Variants in PLCG2 observed in about 807,000 individuals in gnomAD.
PLCG2 encodes 1-phosphatidylinositol 4,5-bisphosphate phosphodiesterase gamma-2.
PLCG2 carries 69 observed loss-of-function variants against 175.6 expected under a neutral mutation model. The ratio of observed to expected loss-of-function variants is 0.39; its 90% CI spans 0.32 to 0.48. PLCG2 has a LOEUF of 0.48. PLCG2 is among the 20% of genes least tolerant of loss of function. The probability of loss-of-function intolerance (pLI) is 0.91; values close to 1 mark genes in which losing one functional copy is unlikely to be tolerated. For synonymous variants in PLCG2, 827 were observed against 624.0 expected (o/e 1.33, Z -4.85); for missense variants, 1,798 against 1,650.9 (o/e 1.09, Z -1.54).
intron 22 of PLCG2, among the ~76,000 whole-genome samples, chr16:81,924,577 G>A (rs1355117136): frequency 6.6e-6 from 1 of 152,198 alleles, no homozygotes; most frequent in Non-Finnish European, 1.5e-5. Context: ...TTTGACTCCA[G>A]AGCTTACACT....
intron 22 of PLCG2, among the ~76,000 whole-genome samples, chr16:81,926,313 G>T (rs375949030): frequency 9.8e-5 from 15 of 152,330 alleles, no homozygotes; most frequent in African/African-American, 3.6e-4. Flanking sequence ...TGTGGTCAGA[G>T]GTGCATTTTG....
chr16:81,791,815 C>G (rs149484437), intron 2 of PLCG2, among the ~76,000 whole-genome samples: 1,721 of 152,238 alleles, frequency 0.011, 27 homozygotes, highest in African/African-American at 0.04. Flanking sequence ...TCTGCCCACC[C>G]TGGCCTCCCA....
At chr16:81,838,805 A>G (rs1317352662) in intron 2 of PLCG2, among the ~76,000 whole-genome samples, 1 of 137,258 alleles carries the variant, frequency 7.3e-6, no homozygotes, top group African/African-American at 2.6e-5. Context: ...ATATATATAT[A>G]TATGTAAATA....
At chr16:81,778,066 A>AAATAC (rs1910523604), upstream of PLCG2, among the ~76,000 whole-genome samples, 4 of 84,912 alleles carry the variant, frequency 4.7e-5, no homozygotes, top group African/African-American at 8.8e-5. Flanking sequence ...AAAAAAAACC[A>AAATAC]AAAACACACA....
At chr16:81,819,596 AT>A in intron 2 of PLCG2, among the ~76,000 whole-genome samples, 1 of 152,148 alleles carries the variant, frequency 6.6e-6, no homozygotes, top group Middle Eastern at 3.4e-3. Context: ...TATTATTATT[AT>A]TTTTTGAGAC....
chr16:81,844,835 G>A (rs1221802910), intron 2 of PLCG2, among the ~76,000 whole-genome samples: 1 of 152,262 alleles, frequency 6.6e-6, no homozygotes, highest in Non-Finnish European at 1.5e-5. Flanking sequence ...CATACATCTA[G>A]TCTCCTATTT....
At chr16:81,837,841 C>A (rs55997054) in intron 2 of PLCG2, among the ~76,000 whole-genome samples, 13,011 of 152,096 alleles carry the variant, frequency 0.086, 634 homozygotes, top group Middle Eastern at 0.15. Flanking sequence ...TCTTGCAAAC[C>A]TGTAGTGCAG....
intron 5 of PLCG2, among the ~76,000 whole-genome samples, chr16:81,865,870 G>A (rs1317842423): frequency 7.4e-6 from 1 of 135,090 alleles, no homozygotes; most frequent in Non-Finnish European, 1.6e-5. Flanking sequence ...TGGGGCACCA[G>A]CATGAGAGGA....
chr16:81,770,566 C>T, intron 2 of PLCG2, among the ~76,000 whole-genome samples: 1 of 151,470 alleles, frequency 6.6e-6, no homozygotes, highest in East Asian at 2.0e-4. Flanking sequence ...ATACAAACAT[C>T]TAGCCAGGCT....
At chr16:81,828,496 C>T (rs140681224) in intron 2 of PLCG2, among the ~76,000 whole-genome samples, 5,274 of 152,146 alleles carry the variant, frequency 0.035, 130 homozygotes, top group Non-Finnish European at 0.049. Context: ...TCTCGGCCTC[C>T]CAAAGTGGTG....
In PLCG2 at chr16:81,840,256, C is replaced by T. The variant is rs137977069; in HGVS notation, c.194-14188C>T. On this transcript the variant is annotated intron_variant, in intron 2 of 32. Coordinates refer to ENST00000564138, the MANE Select transcript of PLCG2 (RefSeq NM_002661.5). Reference sequence around the variant, plus strand: ...CCTGACAGCTGGCCCCTGAGCTGCCCACCCTGTCATGGCCTGGGTGGATGC... The same window carrying T: ...CCTGACAGCTGGCCCCTGAGCTGCCTACCCTGTCATGGCCTGGGTGGATGC... Among the ~76,000 whole-genome samples the T allele has an allele frequency of 2.7e-3, 413 of 152,284 alleles. 3 individuals are homozygous for T. The highest frequency in any genetic ancestry group is 9.5e-3 in the African/African-American group (396 of 41,572).
intron 5 of PLCG2, among the ~76,000 whole-genome samples, chr16:81,859,617 C>T (rs1385193578): frequency 6.6e-6 from 1 of 151,982 alleles, no homozygotes; most frequent in African/African-American, 2.4e-5. Context: ...TCACTGCGAG[C>T]TCCGCCTCCT....
At chr16:81,876,697 A>G (rs1316649196) in intron 7 of PLCG2, among the ~76,000 whole-genome samples, 1 of 152,118 alleles carries the variant, frequency 6.6e-6, no homozygotes, top group African/African-American at 2.4e-5. Context: ...GTTTCTCCTG[A>G]CCTCACTGGC....
At chr16:81,837,390 C>T (rs1285027788) in intron 2 of PLCG2, among the ~76,000 whole-genome samples, 3 of 152,246 alleles carry the variant, frequency 2.0e-5, no homozygotes, top group Non-Finnish European at 4.4e-5. Context: ...AGGCCACTTC[C>T]TCTGGGTTTC....
intron 2 of PLCG2, among the ~76,000 whole-genome samples, chr16:81,790,090 G>A (rs528207824): frequency 6.6e-6 from 1 of 152,150 alleles, no homozygotes; most frequent in Non-Finnish European, 1.5e-5. Flanking sequence ...AAATAACATT[G>A]GTGTCTACCC....
At chr16:81,747,305 C>G (rs765379336) in intron 1 of PLCG2, among the ~76,000 whole-genome samples, 1 of 152,092 alleles carries the variant, frequency 6.6e-6, no homozygotes, top group African/African-American at 2.4e-5. Flanking sequence ...GAGGCTGAGG[C>G]GGGCAGATCA....
intron 2 of PLCG2, among the ~76,000 whole-genome samples, chr16:81,805,227 C>A (rs185752566): frequency 1.3e-5 from 2 of 152,226 alleles, no homozygotes; most frequent in South Asian, 2.1e-4. Flanking sequence ...AGGCCAGGCT[C>A]GGTAGCTCAT....
chr16:81,842,083 C>T (rs769915690), intron 2 of PLCG2, among the ~76,000 whole-genome samples: 28 of 152,184 alleles, frequency 1.8e-4, no homozygotes, highest in Admixed American at 3.3e-4. Context: ...GCTTGTACAG[C>T]GGAGGAAACA....
At chr16:81,817,678 G>T (rs912350895) in intron 2 of PLCG2, among the ~76,000 whole-genome samples, 5 of 152,110 alleles carry the variant, frequency 3.3e-5, no homozygotes, top group African/African-American at 1.2e-4. Context: ...TAGAGATAGG[G>T]TCTCACTGTG....
Sources: allele counts gnomAD v4.1 joint callset (sites outside exome capture counted in the v4.1 genomes callset), GRCh38; gene constraint gnomAD v4.1.1; transcripts MANE v1.5; gene names NCBI Gene and HGNC (gene_info 2026-07-23, HGNC 2026-07-21).